Variants in SREK1 observed in about 807,000 individuals in gnomAD.
SREK1 encodes the protein splicing regulatory glutamine/lysine-rich protein 1.
A neutral mutation model predicts 66.5 loss-of-function variants in SREK1; 13 were observed. The ratio of observed to expected loss-of-function variants is 0.20; its 90% CI spans 0.13 to 0.31. The LOEUF is 0.31. SREK1 is among the 10% of genes least tolerant of loss of function. SREK1 has a pLI of 1.00. For missense variants in SREK1, 607 were observed against 769.6 expected (o/e 0.79, Z 2.50); for synonymous variants, 265 against 263.5 (o/e 1.01, Z -0.05).
intron 2 of SREK1, chr5:66,157,793 T>G (rs1027662104): frequency 1.2e-6 from 1 of 812,224 alleles, no homozygotes; most frequent in East Asian, 1.2e-4. Flanking sequence ...AGGTTTTATT[T>G]GCTTCCTATA....
At chr5:66,161,666 A>G (rs1449699615) in intron 3 of SREK1, among the ~76,000 whole-genome samples, 5 of 152,234 alleles carry the variant, frequency 3.3e-5, no homozygotes. Context: ...TGAATCGACA[A>G]TATATAACAG....
intron 3 of SREK1, among the ~76,000 whole-genome samples, chr5:66,160,528 G>A (rs1285697856): frequency 6.6e-6 from 1 of 152,196 alleles, no homozygotes; most frequent in African/African-American, 2.4e-5. Context: ...GGTCATGAGT[G>A]TTTGAGATTG....
intron 1 of SREK1, among the ~76,000 whole-genome samples, chr5:66,153,016 CT>C (rs1743978706): frequency 6.6e-6 from 1 of 152,148 alleles, no homozygotes; most frequent in South Asian, 2.1e-4. Context: ...CTACCTGACT[CT>C]TTCTAAGACT....
intron 7 of SREK1, chr5:66,169,458 A>G (rs1745449051): frequency 6.6e-6 from 1 of 152,234 alleles, no homozygotes; most frequent in Non-Finnish European, 1.5e-5. Flanking sequence ...GAAAATCTCC[A>G]AAAATGTGAA....
intron 7 of SREK1, chr5:66,165,301 A>C (rs1463648501): frequency 6.2e-6 from 1 of 161,724 alleles, no homozygotes; most frequent in African/African-American, 2.4e-5. Flanking sequence ...TTCCCAGTCT[A>C]TTCCAAGTTT....
At chr5:66,152,534 G>A (rs1743933689) in intron 1 of SREK1, among the ~76,000 whole-genome samples, 1 of 152,104 alleles carries the variant, frequency 6.6e-6, no homozygotes, top group African/African-American at 2.4e-5. Flanking sequence ...ATTGTAGTCA[G>A]TTTTCTTTCC....
In SREK1 at chr5:66,170,933, T is replaced by G. The variant is rs1363491149; in HGVS notation, c.1470T>G (p.Ser490=). ...GGAGTTACAATGCATCGCGAAGATC[T>G]CGTAGTTCCAGCAGGTTTGATAATG... is the stretch of plus-strand genomic sequence containing the variant. The part of the protein sequence containing the change: ...PPRSYNASRR[S]RSSSRERRRR... The change falls in exon 9 of 12, where the codon TCT becomes TCG. Residue 490 remains serine, a synonymous_variant. Coordinates refer to ENST00000334121, the MANE Select transcript of SREK1 (RefSeq NM_001077199.3). The G allele has an allele frequency of 1.9e-6, 3 of 1,604,404 alleles. No individual in the cohort carries two copies. Among genetic ancestry groups the G allele is most frequent in the African/African-American group, 2.7e-5 (2 of 74,162 alleles).
intron 2 of SREK1, chr5:66,157,801 A>G (rs1208298884): frequency 4.1e-6 from 3 of 730,500 alleles, no homozygotes; most frequent in East Asian, 1.3e-4. Flanking sequence ...TTTGCTTCCT[A>G]TAAATAAGGC....
chr5:66,167,841 A>G (rs1026671768), intron 7 of SREK1: 1 of 152,230 alleles, frequency 6.6e-6, no homozygotes, highest in African/African-American at 2.4e-5. Context: ...AACTTAAAAC[A>G]GAAATCTTAT....
Position 66,176,610 on chromosome 5 carries a change from G to C in SREK1, c.1581-904G>C, listed in dbSNP as rs1309656118. Among the ~76,000 whole-genome samples the C allele has an allele frequency of 6.6e-5, 10 of 152,028 alleles. No individual in the cohort carries two copies. The East Asian group carries it at 1.9e-3, about 29-fold the overall frequency. On this transcript the variant is annotated intron_variant, in intron 10 of 11. Coordinates refer to ENST00000334121, the MANE Select transcript of SREK1 (RefSeq NM_001077199.3). ...ATCTGATGAGATCGGGCATGCTCAG[G>C]GTGATATGGCTGTAGACAAGGAATG...
At position 66,165,461 on chromosome 5, in the gene SREK1, C is replaced by T. The variant is rs190744884; in HGVS notation, c.1001+564C>T. The T allele has an allele frequency of 2.0e-5, 3 of 152,632 alleles. No homozygotes were observed. The East Asian group carries it at 5.8e-4, about 29-fold the overall frequency. The allele number at this position is 152,632 out of a possible 1,614,324, so 9.5% of individuals were successfully genotyped here. A position where few individuals can be genotyped will look rare whatever the true frequency, so the allele number is the denominator to read the frequency against. On this transcript the variant is annotated intron_variant, in intron 7 of 11. Transcript: ENST00000334121. ...ACACAGGAGTAACTTGCAGTTTCAGCTTCAGTTTTAGTACTTTGCTTAAGC... is the reference window on the plus strand; with the variant it reads ...ACACAGGAGTAACTTGCAGTTTCAGTTTCAGTTTTAGTACTTTGCTTAAGC...
chr5:66,164,119 T>C (rs1744978032), intron 6 of SREK1, 197 bp downstream of exon 6: 1 of 575,766 alleles, frequency 1.7e-6, no homozygotes, highest in Non-Finnish European at 2.8e-6. Context: ...GATACTGAAT[T>C]GAGGCACTTT....
chr5:66,144,603 G>C, intron 1 of SREK1, 66 bp downstream of exon 1: 2 of 1,489,252 alleles, frequency 1.3e-6, no homozygotes, highest in Non-Finnish European at 1.8e-6. Flanking sequence ...GCCGAGGCGT[G>C]GAGGAGAGCG....
intron 2 of SREK1, chr5:66,158,732 G>T: frequency 8.6e-7 from 1 of 1,161,104 alleles, no homozygotes. Flanking sequence ...TGACTAATTT[G>T]GTTATTTGCC....
At chr5:66,177,728 A>G (rs2112113827) in intron 11 of SREK1, 70 bp downstream of exon 11, 2 of 1,362,720 alleles carry the variant, frequency 1.5e-6, no homozygotes, top group Non-Finnish European at 2.0e-6. Context: ...TTTTAGACTG[A>G]AAGCTCTTTG....
chr5:66,162,841 C>G (rs527409770), intron 5 of SREK1: 2 of 332,872 alleles, frequency 6.0e-6, no homozygotes, highest in East Asian at 1.1e-4. Context: ...ATTTATATAC[C>G]CTGCATAACG....
Position 66,176,194 on chromosome 5 carries a change from A to G in SREK1, c.1580+1153A>G, listed in dbSNP as rs1252608343. ...TTGTTAAAAACTCAATTTTTCTAAC[A>G]TTAGTTTGATATGTTGCCTTTGTCA... On this transcript the variant is annotated intron_variant, in intron 10 of 11. Coordinates refer to ENST00000334121, the MANE Select transcript of SREK1 (RefSeq NM_001077199.3). Among the ~76,000 whole-genome samples the G allele has an allele frequency of 3.3e-5, 5 of 152,116 alleles. No individual in the cohort carries two copies. The East Asian group carries it at 5.8e-4, about 18-fold the overall frequency.
chr5:66,158,828 G>A, intron 2 of SREK1: 4 of 1,290,288 alleles, frequency 3.1e-6, no homozygotes, highest in Non-Finnish European at 4.0e-6. Flanking sequence ...CAACACGAAC[G>A]GTTGTCATGT....
intron 2 of SREK1, chr5:66,157,209 T>C (rs1744360232): frequency 1.0e-6 from 1 of 983,218 alleles, no homozygotes; most frequent in African/African-American, 1.8e-5. Context: ...GTATACTCTT[T>C]TGAAAGGCAG....
Sources: allele counts gnomAD v4.1 joint callset (sites outside exome capture counted in the v4.1 genomes callset), GRCh38; gene constraint gnomAD v4.1.1; transcripts MANE v1.5; gene names NCBI Gene and HGNC (gene_info 2026-07-23, HGNC 2026-07-21).